CR1: variants seen among roughly 807,000 people sequenced by gnomAD.
CR1 encodes the protein complement receptor type 1.
CR1 carries 116 observed loss-of-function variants against 187.3 expected under a neutral mutation model. The observed-to-expected ratio is 0.62, with a 90% CI of 0.53 to 0.72. The LOEUF is 0.72. CR1 is among the 30% of genes least tolerant of loss of function. The pLI, the probability that CR1 is intolerant of heterozygous loss-of-function variation, is 0.00. For missense variants in CR1, 1,731 were observed against 2,110.7 expected, an observed-to-expected ratio of 0.82 and a Z score of 3.52; for synonymous variants, 576 against 747.1, an observed-to-expected ratio of 0.77 and a Z score of 3.73.
In CR1 at chr1:207,580,518, C is replaced by G; in HGVS notation, c.5121C>G (p.Ser1707=). 6.2e-7 allele frequency: 1 copy of G among 1,605,580 alleles called. No individual in the cohort carries two copies. The highest frequency in any genetic ancestry group is 8.5e-7 in the Non-Finnish European group (1 of 1,177,638). Reference sequence around the variant, plus strand: ...TTTTTTTTCTTCTTCTAGTGAAATCCTGTGATGACTTCTTGGGTCAACTCC... The same window carrying G: ...TTTTTTTTCTTCTTCTAGTGAAATCGTGTGATGACTTCTTGGGTCAACTCC... ...SPEAPRCAVK[S]CDDFLGQLPH... is the part of the protein sequence containing the mutation. The change falls in exon 31 of 47, where the codon TCC becomes TCG. Residue 1707 remains serine, a synonymous_variant. Coordinates refer to ENST00000367049, the MANE Select transcript of CR1 (RefSeq NM_000651.6).
rs548178098 is a variant in CR1 at position 207,564,331 on chromosome 1, C to T, written c.3866+97C>T. ...TGGTGTGGCTTAAAAGAAAGACACA[C>T]ACACACACACACACCTTCAGAGAGA... is the stretch of plus-strand genomic sequence containing the variant. On this transcript the variant is annotated intron_variant, in intron 23 of 46. Transcript: ENST00000367049. 4.7e-5 allele frequency: 74 copies of T among 1,584,788 alleles called. 10 individuals carry two copies. In the African/African-American group the frequency reaches 9.0e-4, roughly 19 times the overall value.
At chr1:207,502,139 C>A (rs1192103410) in intron 1 of CR1, among the ~76,000 whole-genome samples, 1 of 151,936 alleles carries the variant, frequency 6.6e-6, no homozygotes, top group Non-Finnish European at 1.5e-5. Flanking sequence ...TGTTAAGCAC[C>A]AGGACTAAGT....
rs369482432 is a variant in CR1, at chr1:207,514,994, T to TACACAC, written c.487+3368_487+3373dup. On this transcript the variant is annotated intron_variant, in intron 4 of 46. Transcript: ENST00000367049. ...CTGAAGTATAACATATATATATATA[T>TACACAC]ACACACACACACACACACACACACA... 1.9e-3 allele frequency among the ~76,000 whole-genome samples: 232 copies of TACACAC among 119,558 alleles called. 1 individual carries two copies. The highest frequency in any genetic ancestry group is 0.01 in the South Asian group (33 of 3,272). The allele number at this position is 119,558 out of a possible 152,430, so 78.4% of individuals were successfully genotyped here.
chr1:207,510,723 C>CT (rs1659582569), intron 3 of CR1, among the ~76,000 whole-genome samples: 3 of 98,896 alleles, frequency 3.0e-5, no homozygotes, highest in South Asian at 7.8e-4. Context: ...AGTTATGTAT[C>CT]CCCTTCCTTC....
chr1:207,628,096 T>G (rs1401366128), intron 45 of CR1, among the ~76,000 whole-genome samples: 1 of 152,206 alleles, frequency 6.6e-6, no homozygotes, highest in Admixed American at 6.5e-5. Flanking sequence ...ACACTGCATT[T>G]GGTAAGCACA....
chr1:207,633,362 A>G (rs1196124456), intron 46 of CR1, among the ~76,000 whole-genome samples: 3 of 152,246 alleles, frequency 2.0e-5, no homozygotes. Context: ...ATCTAGTAGT[A>G]TTCTTAAGCT....
At chr1:207,524,090 G>C in intron 5 of CR1, 81 bp downstream of exon 5, 1 of 1,611,236 alleles carries the variant, frequency 6.2e-7, no homozygotes, top group Non-Finnish European at 8.5e-7. Flanking sequence ...TTGTTCAGGG[G>C]GAGGGATGTG....
At chr1:207,626,812 T>C (rs1013170568) in intron 45 of CR1, among the ~76,000 whole-genome samples, 1 of 151,896 alleles carries the variant, frequency 6.6e-6, no homozygotes, top group Non-Finnish European at 1.5e-5. Flanking sequence ...CTGAGGCGGG[T>C]GGGTCACCTG....
Position 207,614,391 on chromosome 1 carries a change from T to C in CR1, c.6576-13T>C, listed in dbSNP as rs770888057. 8 of 1,605,518 alleles carry C rather than the reference T, an allele frequency of 5.0e-6. No individual in the cohort carries two copies. In the Admixed American group the frequency reaches 6.7e-5, roughly 13 times the overall value. On this transcript the variant is annotated splice_polypyrimidine_tract_variant and intron_variant, in intron 39 of 46. Coordinates refer to ENST00000367049, the MANE Select transcript of CR1 (RefSeq NM_000651.6). ...ATTGCTCACACATTTGCTACCACTT[T>C]TTTTTTCTTTAGGTTCCGATTAAAA...
chr1:207,581,289 T>TATACATATGGACACGTATACGTAG (rs1558245593), intron 31 of CR1, among the ~76,000 whole-genome samples: 1 of 132,730 alleles, frequency 7.5e-6, no homozygotes, highest in African/African-American at 3.7e-5. Context: ...CGTATATGTA[T>TATACATATGGACACGTATACGTAG]ACGTATACAT....
intron 32 of CR1, 47 bp downstream of exon 32, chr1:207,582,050 C>G (rs1403574591): frequency 7.0e-7 from 1 of 1,419,510 alleles, no homozygotes; most frequent in East Asian, 2.4e-5. Context: ...CTGTTTTTTT[C>G]TTAATATAGT....
intron 27 of CR1, among the ~76,000 whole-genome samples, chr1:207,574,089 C>A (rs756928565): frequency 1.3e-5 from 2 of 152,172 alleles, no homozygotes; most frequent in Non-Finnish European, 1.5e-5. Flanking sequence ...GCCTTGATGG[C>A]AACCTGCACT....
At chr1:207,576,975 GCA>G (rs1660766669) in intron 28 of CR1, among the ~76,000 whole-genome samples, 1 of 152,176 alleles carries the variant, frequency 6.6e-6, no homozygotes, top group African/African-American at 2.4e-5. Flanking sequence ...TATAGGCTAG[GCA>G]CAGTGGCTCA....
intron 4 of CR1, among the ~76,000 whole-genome samples, chr1:207,519,701 C>G (rs1189713704): frequency 6.6e-6 from 1 of 152,196 alleles, no homozygotes; most frequent in African/African-American, 2.4e-5. Context: ...GCAAATCAGG[C>G]AGCCTCCCGA....
intron 45 of CR1, among the ~76,000 whole-genome samples, chr1:207,628,600 G>T (rs572651511): frequency 6.6e-5 from 10 of 152,286 alleles, no homozygotes; most frequent in African/African-American, 2.4e-4. Flanking sequence ...TAGGAATTAG[G>T]CCTTTAGTCC....
intron 42 of CR1, among the ~76,000 whole-genome samples, chr1:207,618,829 T>A (rs1341399195): frequency 6.6e-6 from 1 of 151,574 alleles, no homozygotes; most frequent in Non-Finnish European, 1.5e-5. Context: ...GAAGATCATG[T>A]CAAGAGATCG....
At chr1:207,517,906 G>A (rs183592956) in intron 4 of CR1, among the ~76,000 whole-genome samples, 109 of 151,924 alleles carry the variant, frequency 7.2e-4, no homozygotes, top group Non-Finnish European at 1.1e-3. Flanking sequence ...TAGTTTTACC[G>A]GGGCTTTATC....
chr1:207,606,306 G>A (rs1195312567), intron 35 of CR1, among the ~76,000 whole-genome samples: 2 of 152,170 alleles, frequency 1.3e-5, no homozygotes, highest in African/African-American at 4.8e-5. Flanking sequence ...GGCTATGCCC[G>A]GCTGTAAGGA....
At position 207,630,634 on chromosome 1, in the gene CR1, A is replaced by C. The variant is rs181376193; in HGVS notation, c.7457+13A>C. ...AAGAAAATAGCAGGTACCTATATAC[A>C]TACTGAATTCAAAATGTTTTCAACA... On this transcript the variant is annotated intron_variant, in intron 46 of 46. Coordinates refer to ENST00000367049, the MANE Select transcript of CR1 (RefSeq NM_000651.6). 5 of 1,516,822 alleles carry C rather than the reference A, an allele frequency of 3.3e-6. No homozygotes were observed. The South Asian group carries it at 3.9e-5, about 12-fold the overall frequency. The allele number at this position is 1,516,822 out of a possible 1,614,324, so 94.0% of individuals were successfully genotyped here. A position where few individuals can be genotyped will look rare whatever the true frequency, so the allele number is the denominator to read the frequency against.
Sources: allele counts gnomAD v4.1 joint callset (sites outside exome capture counted in the v4.1 genomes callset), GRCh38; gene constraint gnomAD v4.1.1; transcripts MANE v1.5; gene names NCBI Gene and HGNC (gene_info 2026-07-23, HGNC 2026-07-21).